The following DPYSL2 variants were observed in gnomAD, a reference collection of about 807,000 sequenced individuals.
DPYSL2 encodes dihydropyrimidinase-related protein 2.
In DPYSL2, 13 loss-of-function variants were observed where a neutral mutation model predicts 69.9. The ratio of observed to expected loss-of-function variants is 0.19; its 90% CI spans 0.12 to 0.30. The LOEUF is 0.30. Among genes scored for constraint, DPYSL2 ranks in the 10% least tolerant of loss-of-function variants. The probability of loss-of-function intolerance (pLI) is 1.00; values close to 1 mark genes in which losing one functional copy is unlikely to be tolerated. For missense variants in DPYSL2, 587 were observed against 918.9 expected, an observed-to-expected ratio of 0.64 and a Z score of 4.67; for synonymous variants, 326 against 359.1, an observed-to-expected ratio of 0.91 and a Z score of 1.04.
intron 3 of DPYSL2, among the ~76,000 whole-genome samples, chr8:26,608,571 C>A (rs1390783804): frequency 6.6e-6 from 1 of 152,142 alleles, no homozygotes; most frequent in Admixed American, 6.5e-5. Context: ...ACCCTGGACT[C>A]CCAGCTGTCC....
chr8:26,579,909 A>G (rs1191040837), intron 1 of DPYSL2, among the ~76,000 whole-genome samples: 1 of 147,006 alleles, frequency 6.8e-6, no homozygotes, highest in Non-Finnish European at 1.5e-5. Flanking sequence ...AATTAAAAGC[A>G]AACGATCAAC....
chr8:26,561,768 C>A (rs1224480542), intron 1 of DPYSL2, among the ~76,000 whole-genome samples: 2 of 152,178 alleles, frequency 1.3e-5, no homozygotes, highest in East Asian at 3.9e-4. Flanking sequence ...TATATCCCTC[C>A]CATGTGCAGT....
rs963238676 is a variant in DPYSL2 at position 26,560,322 on chromosome 8, T to C, written c.355-21647T>C. ...GAATAAGACAAGCCTTAGAATACTTTTAGACAGAGCCCAATCAAAGGATTT... is the reference window on the plus strand; with the variant it reads ...GAATAAGACAAGCCTTAGAATACTTCTAGACAGAGCCCAATCAAAGGATTT... On this transcript the variant is annotated intron_variant, in intron 1 of 13. Coordinates refer to ENST00000521913, the MANE Select transcript of DPYSL2 (RefSeq NM_001197293.3). The surrounding 1 kb of genome is among the most constrained non-coding windows in gnomAD (Gnocchi z 4.4). Among the ~76,000 whole-genome samples the C allele has an allele frequency of 6.6e-6, 1 of 152,202 alleles. No individual in the cohort carries two copies. Among genetic ancestry groups the C allele is most frequent in the African/African-American group, 2.4e-5 (1 of 41,444 alleles).
chr8:26,523,153 G>GTA lies in DPYSL2; in HGVS notation c.354+8490_354+8491dup, dbSNP rs749896279. Among the ~76,000 whole-genome samples, 560 of 149,804 alleles carry GTA rather than the reference G, an allele frequency of 3.7e-3. 3 individuals are homozygous for GTA. Among genetic ancestry groups the GTA allele is most frequent in the African/African-American group, 0.012 (485 of 40,724 alleles). On this transcript the variant is annotated intron_variant, in intron 1 of 13. Coordinates refer to ENST00000521913, the MANE Select transcript of DPYSL2 (RefSeq NM_001197293.3). ...TATATGTATGTATACAGACATACAT[G>GTA]TATATATATATATATATTTTTAAAT...
At position 26,643,225 on chromosome 8, in the gene DPYSL2, C is replaced by T. The variant is rs112740935; in HGVS notation, c.1127-214C>T. Reference sequence around the variant, plus strand: ...GGGTGTGTTGTTTGAAGAGCAGGGGCTGAAGGTGGAATCTTGGGGAGCTCA... The same window carrying T: ...GGGTGTGTTGTTTGAAGAGCAGGGGTTGAAGGTGGAATCTTGGGGAGCTCA... On this transcript the variant is annotated intron_variant, in intron 8 of 13. Coordinates refer to ENST00000521913, the MANE Select transcript of DPYSL2 (RefSeq NM_001197293.3). The surrounding 1 kb of genome is among the most constrained non-coding windows in gnomAD (Gnocchi z 6.5). 91 of 484,624 alleles carry T rather than the reference C, an allele frequency of 1.9e-4. No individual in the cohort carries two copies. The highest frequency in any genetic ancestry group is 1.2e-3 in the East Asian group (35 of 28,460). The allele number at this position is 484,624 out of a possible 1,614,324, so 30.0% of individuals were successfully genotyped here.
At chr8:26,618,097 C>G (rs1369638144) in intron 3 of DPYSL2, among the ~76,000 whole-genome samples, 2 of 152,050 alleles carry the variant, frequency 1.3e-5, no homozygotes, top group Non-Finnish European at 2.9e-5. Context: ...TTTTCAGAGA[C>G]TGCTTGTAAC....
At chr8:26,636,588 C>T (rs1238630340) in intron 8 of DPYSL2, among the ~76,000 whole-genome samples, 1 of 152,094 alleles carries the variant, frequency 6.6e-6, no homozygotes, top group Non-Finnish European at 1.5e-5. Context: ...GAGGTGGAGT[C>T]GTGGGCCAGC....
At chr8:26,639,323 G>A (rs377051623) in intron 8 of DPYSL2, among the ~76,000 whole-genome samples, 21 of 152,338 alleles carry the variant, frequency 1.4e-4, no homozygotes, top group African/African-American at 5.0e-4. Flanking sequence ...TGTGGGGATG[G>A]CAAGTCTGAA....
In DPYSL2 at chr8:26,656,777, G is replaced by A. The variant is rs1058332; in HGVS notation, c.*1071G>A. 0.082 allele frequency: 12,469 copies of A among 152,828 alleles called. 601 individuals carry two copies. The highest frequency in any genetic ancestry group is 0.13 in the Middle Eastern group (37 of 294). 9.5% of individuals were successfully genotyped at this position (152,828 alleles called of 1,614,324 possible). ...CTGGCCAAGTGCAGGAATGGGCCATGCCGTCTCACCCACAGTATCACACGT... is the reference window on the plus strand; with the variant it reads ...CTGGCCAAGTGCAGGAATGGGCCATACCGTCTCACCCACAGTATCACACGT... On this transcript the variant is annotated 3_prime_UTR_variant, in exon 14 of 14. Transcript: ENST00000521913.
At chr8:26,602,942 T>A (rs960583709) in intron 3 of DPYSL2, among the ~76,000 whole-genome samples, 1 of 152,146 alleles carries the variant, frequency 6.6e-6, no homozygotes, top group African/African-American at 2.4e-5. Flanking sequence ...CCGGCTCAAA[T>A]TTTACCCTGG....
At position 26,585,885 on chromosome 8, in the gene DPYSL2, G is replaced by A. The variant is rs1481843992; in HGVS notation, c.628+1902G>A. 1.3e-5 allele frequency among the ~76,000 whole-genome samples: 2 copies of A among 152,150 alleles called. No individual in the cohort carries two copies. Among genetic ancestry groups the A allele is most frequent in the Non-Finnish European group, 2.9e-5 (2 of 68,026 alleles). On this transcript the variant is annotated intron_variant, in intron 3 of 13. Transcript: ENST00000521913. The surrounding 1 kb of genome is among the most constrained non-coding windows in gnomAD (Gnocchi z 4.0). ...CCAGCACTTTGGGAGCCTGAGGTGG[G>A]TGGATCACTTGAGGTCAGGAATTTG...
In DPYSL2 at chr8:26,571,847, A is replaced by G. The variant is rs373160215; in HGVS notation, c.355-10122A>G. ...AGGGGAAGGCAGTGGGCAGGTTCCG[A>G]TCCAATCTGCAGTCTCTGACCCTTC... On this transcript the variant is annotated intron_variant, in intron 1 of 13. Transcript: ENST00000521913. The surrounding 1 kb of genome is among the most constrained non-coding windows in gnomAD (Gnocchi z 6.1). Among the ~76,000 whole-genome samples the G allele has an allele frequency of 3.9e-5, 6 of 152,194 alleles. No individual in the cohort carries two copies. In the East Asian group the frequency reaches 9.6e-4, roughly 24 times the overall value.
chr8:26,592,483 T>G lies in DPYSL2; in HGVS notation c.628+8500T>G, dbSNP rs1014770174. 1.9e-4 allele frequency among the ~76,000 whole-genome samples: 28 copies of G among 149,940 alleles called. No individual in the cohort carries two copies. In the South Asian group the frequency reaches 2.2e-3, roughly 12 times the overall value. On this transcript the variant is annotated intron_variant, in intron 3 of 13. Coordinates refer to ENST00000521913, the MANE Select transcript of DPYSL2 (RefSeq NM_001197293.3). ...ATTAGTTTTTTTTTTTTTGTTTTTT[T>G]TTTTTTATTAAGACGGAGTTTTGCT...
At chr8:26,529,511 C>G (rs1235356055) in intron 1 of DPYSL2, among the ~76,000 whole-genome samples, 4 of 151,822 alleles carry the variant, frequency 2.6e-5, no homozygotes, top group African/African-American at 9.7e-5. Flanking sequence ...GAGACATGGC[C>G]TCATTTTGTT....
rs17055593 is a variant in DPYSL2 at position 26,642,574 on chromosome 8, A to C, written c.1127-865A>C. ...GGTCCAATTGGGAGGCTCTGTTGGA[A>C]TGAGCTGGCGAGAGATGATGAGGGC... On this transcript the variant is annotated intron_variant, in intron 8 of 13. Transcript: ENST00000521913. The surrounding 1 kb of genome is among the most constrained non-coding windows in gnomAD (Gnocchi z 5.3). Among the ~76,000 whole-genome samples the C allele has an allele frequency of 0.092, 14,033 of 152,178 alleles. 747 individuals are homozygous for C. The highest frequency in any genetic ancestry group is 0.14 in the South Asian group (654 of 4,816).
At chr8:26,599,725 A>G (rs1460173387) in intron 3 of DPYSL2, among the ~76,000 whole-genome samples, 1 of 152,106 alleles carries the variant, frequency 6.6e-6, no homozygotes, top group Non-Finnish European at 1.5e-5. Context: ...TCAAAAAAAT[A>G]AATAAATAAA....
Position 26,535,631 on chromosome 8 carries a change from A to AT in DPYSL2, c.354+20953dup, listed in dbSNP as rs1406854218. On this transcript the variant is annotated intron_variant, in intron 1 of 13. Transcript: ENST00000521913. ...AAAACAGACTGATATATATATATAT[A>AT]TATATTTTTTTTTTCAGTGTAGGGA... is the stretch of plus-strand genomic sequence containing the variant. Among the ~76,000 whole-genome samples the AT allele has an allele frequency of 1.8e-3, 272 of 149,798 alleles. 3 individuals are homozygous for AT. The highest frequency in any genetic ancestry group is 6.1e-3 in the African/African-American group (243 of 40,104).
rs912249728 is a variant in DPYSL2, at chr8:26,648,093, C to T, written c.1596+293C>T. On this transcript the variant is annotated intron_variant, in intron 11 of 13. Transcript: ENST00000521913. The surrounding 1 kb of genome is among the most constrained non-coding windows in gnomAD (Gnocchi z 4.3). ...ATGTGCAAAGCTTCCAGAAGTCAGG[C>T]ACCGCTCCATTTTCATAGGTTGGCA... is the stretch of plus-strand genomic sequence containing the variant. Among the ~76,000 whole-genome samples the T allele has an allele frequency of 2.0e-5, 3 of 152,126 alleles. No homozygotes were observed. The highest frequency in any genetic ancestry group is 7.2e-5 in the African/African-American group (3 of 41,442).
intron 3 of DPYSL2, among the ~76,000 whole-genome samples, chr8:26,611,729 C>T (rs1464760111): frequency 6.6e-6 from 1 of 152,228 alleles, no homozygotes; most frequent in Non-Finnish European, 1.5e-5. Context: ...TGCCTTCCCC[C>T]CAGGCCACGA....
Sources: allele counts gnomAD v4.1 joint callset (sites outside exome capture counted in the v4.1 genomes callset), GRCh38; gene constraint gnomAD v4.1.1; non-coding constraint Gnocchi (gnomAD v3.1); transcripts MANE v1.5; gene names NCBI Gene and HGNC (gene_info 2026-07-23, HGNC 2026-07-21).